Variants in GALNTL6 observed in about 807,000 individuals in gnomAD.
The protein encoded by GALNTL6 is polypeptide N-acetylgalactosaminyltransferase-like 6.
A neutral mutation model predicts 73.7 loss-of-function variants in GALNTL6; 46 were observed. That is an observed-to-expected ratio of 0.62 (90% CI 0.49 to 0.80). The LOEUF is 0.80. Among genes scored for constraint, GALNTL6 ranks in the 30% least tolerant of loss-of-function variants. The pLI is 0.00. For missense variants in GALNTL6, 604 were observed against 755.0 expected (o/e 0.80, Z 2.34); for synonymous variants, 259 against 263.7 (o/e 0.98, Z 0.17).
At chr4:172,418,987 A>G (rs913799211) in intron 5 of GALNTL6, among the ~76,000 whole-genome samples, 11 of 152,074 alleles carry the variant, frequency 7.2e-5, no homozygotes, top group Non-Finnish European at 1.3e-4. Flanking sequence ...ATTTGTTTTC[A>G]TATCGGAAGT....
At chr4:171,907,761 T>G (rs1372841163) in intron 2 of GALNTL6, among the ~76,000 whole-genome samples, 1 of 151,184 alleles carries the variant, frequency 6.6e-6, no homozygotes, top group Non-Finnish European at 1.5e-5. Flanking sequence ...AAGGCTACAG[T>G]AACCAAAACA....
At chr4:172,433,203 G>T (rs10024431) in intron 5 of GALNTL6, among the ~76,000 whole-genome samples, 97,389 of 151,952 alleles carry the variant, frequency 0.64, 32,280 homozygotes, top group South Asian at 0.81. Context: ...AGACTATTTT[G>T]GTGCTTTAAT....
chr4:172,161,350 A>G (rs1255813158), intron 2 of GALNTL6, among the ~76,000 whole-genome samples: 2 of 152,026 alleles, frequency 1.3e-5, no homozygotes, highest in Admixed American at 1.3e-4. Context: ...ATGACCCTTC[A>G]TCTCTGAAAC....
chr4:172,821,754 T>G (rs1741941799), intron 7 of GALNTL6, among the ~76,000 whole-genome samples: 1 of 152,182 alleles, frequency 6.6e-6, no homozygotes, highest in Admixed American at 6.5e-5. Context: ...GCTCAAGTGT[T>G]TAAAAAACTA....
chr4:172,093,314 AT>A (rs1732258311), intron 2 of GALNTL6, among the ~76,000 whole-genome samples: 1 of 152,064 alleles, frequency 6.6e-6, no homozygotes, highest in South Asian at 2.1e-4. Flanking sequence ...TAATAATCTA[AT>A]TTTATCTATA....
At chr4:172,184,960 T>C (rs575474004) in intron 2 of GALNTL6, among the ~76,000 whole-genome samples, 1 of 152,280 alleles carries the variant, frequency 6.6e-6, no homozygotes, top group African/African-American at 2.4e-5. Flanking sequence ...TGACTTCACT[T>C]CCCAACACTG....
At chr4:172,919,087 G>A (rs1468287512) in intron 8 of GALNTL6, among the ~76,000 whole-genome samples, 2 of 152,166 alleles carry the variant, frequency 1.3e-5, no homozygotes, top group African/African-American at 2.4e-5. Flanking sequence ...TTGTTCTAAA[G>A]TGCACCCTTG....
At chr4:172,727,636 A>G in intron 5 of GALNTL6, among the ~76,000 whole-genome samples, 1 of 152,134 alleles carries the variant, frequency 6.6e-6, no homozygotes, top group Non-Finnish European at 1.5e-5. Context: ...ATTTTTTCAT[A>G]TGTTTTGAAC....
chr4:172,093,152 G>A (rs1732253660), intron 2 of GALNTL6, among the ~76,000 whole-genome samples: 1 of 151,994 alleles, frequency 6.6e-6, no homozygotes. Context: ...AATTACAGGC[G>A]TGAGCCACTG....
intron 10 of GALNTL6, among the ~76,000 whole-genome samples, chr4:172,970,112 GC>G (rs1750507380): frequency 6.6e-6 from 1 of 151,920 alleles, no homozygotes; most frequent in South Asian, 2.1e-4. Context: ...GCTTCAAAGG[GC>G]AAAAAAGGAG....
intron 5 of GALNTL6, among the ~76,000 whole-genome samples, chr4:172,599,866 C>A (rs2111020744): frequency 6.6e-6 from 1 of 152,246 alleles, no homozygotes; most frequent in Admixed American, 6.6e-5. Context: ...CCCCCACTCT[C>A]ATCCAGATTG....
At chr4:172,032,285 T>C (rs1330626926) in intron 2 of GALNTL6, among the ~76,000 whole-genome samples, 1 of 152,068 alleles carries the variant, frequency 6.6e-6, no homozygotes, top group East Asian at 1.9e-4. Context: ...TTGAAAGAGA[T>C]TAATAGGTGT....
chr4:172,401,222 G>A (rs73872047), intron 5 of GALNTL6, among the ~76,000 whole-genome samples: 3,896 of 151,900 alleles, frequency 0.026, 163 homozygotes, highest in African/African-American at 0.088. Flanking sequence ...ATACCCAATT[G>A]GTTTAGAAAA....
intron 5 of GALNTL6, among the ~76,000 whole-genome samples, chr4:172,446,812 G>A (rs1732039087): frequency 6.6e-6 from 1 of 152,098 alleles, no homozygotes; most frequent in Admixed American, 6.6e-5. Flanking sequence ...CCAAGCCCAG[G>A]AAGAACCCCT....
chr4:172,440,911 C>T (rs1429252544), intron 5 of GALNTL6, among the ~76,000 whole-genome samples: 1 of 151,870 alleles, frequency 6.6e-6, no homozygotes, highest in Non-Finnish European at 1.5e-5. Flanking sequence ...TTACTGTTAG[C>T]TTATTATAAT....
At chr4:172,726,639 C>T (rs1579401102) in intron 5 of GALNTL6, among the ~76,000 whole-genome samples, 2 of 152,162 alleles carry the variant, frequency 1.3e-5, no homozygotes, top group East Asian at 3.9e-4. Context: ...GATCAAAGTA[C>T]AGTGATGAAG....
chr4:172,243,184 C>G (rs377613401), intron 3 of GALNTL6, among the ~76,000 whole-genome samples: 1 of 152,146 alleles, frequency 6.6e-6, no homozygotes, highest in Admixed American at 6.6e-5. Context: ...CAATTTTTCA[C>G]TTGCTGCTCT....
In GALNTL6 at chr4:172,809,912, T is replaced by TACACACACAC. The variant is rs5864170; in HGVS notation, c.739+396_739+405dup. Among the ~76,000 whole-genome samples, 303 of 141,238 alleles carry TACACACACAC rather than the reference T, an allele frequency of 2.1e-3. 1 individual carries two copies. Among genetic ancestry groups the TACACACACAC allele is most frequent in the African/African-American group, 7.2e-3 (276 of 38,460 alleles). 92.7% of individuals were successfully genotyped at this position (141,238 alleles called of 152,430 possible). On this transcript the variant is annotated intron_variant, in intron 6 of 12. Coordinates refer to ENST00000506823, the MANE Select transcript of GALNTL6 (RefSeq NM_001034845.3). The surrounding 1 kb of genome is among the most constrained non-coding windows in gnomAD (Gnocchi z 4.4). ...TCCTGTAGCTACAGCAAGATTAAAA[T>TACACACACAC]ACACACACACACACACACACACACA... is the stretch of plus-strand genomic sequence containing the variant.
In GALNTL6 at chr4:172,874,315, G is replaced by C. The variant is rs115439038; in HGVS notation, c.924-8475G>C. On this transcript the variant is annotated intron_variant, in intron 7 of 12. Coordinates refer to ENST00000506823, the MANE Select transcript of GALNTL6 (RefSeq NM_001034845.3). ...GGATCCTTCCAGGGTTGGATGGAGA[G>C]TGTAAGGGAATGTGGAAACAGATAG... Among the ~76,000 whole-genome samples, 708 of 152,288 alleles carry C rather than the reference G, an allele frequency of 4.6e-3. 7 individuals are homozygous for C. Among genetic ancestry groups the C allele is most frequent in the African/African-American group, 0.014 (600 of 41,554 alleles).
Sources: allele counts gnomAD v4.1 joint callset (sites outside exome capture counted in the v4.1 genomes callset), GRCh38; gene constraint gnomAD v4.1.1; non-coding constraint Gnocchi (gnomAD v3.1); transcripts MANE v1.5; gene names NCBI Gene and HGNC (gene_info 2026-07-23, HGNC 2026-07-21).